The following SCN3B variants were observed in gnomAD, a reference collection of about 807,000 sequenced individuals.
The protein encoded by SCN3B is sodium voltage-gated channel beta subunit 3.
In SCN3B, 11 loss-of-function variants were observed where a neutral mutation model predicts 25.4. The observed-to-expected ratio is 0.43, with a 90% confidence interval of 0.27 to 0.72. The LOEUF (loss-of-function observed/expected upper bound fraction) is 0.72. Ranked by LOEUF, SCN3B falls within the 30% of genes least tolerant of loss-of-function variation. SCN3B has a pLI of 0.18. For missense variants in SCN3B, 218 were observed against 278.3 expected, an observed-to-expected ratio of 0.78 and a Z score of 1.54; for synonymous variants, 109 against 110.7, an observed-to-expected ratio of 0.99 and a Z score of 0.09.
intron 2 of SCN3B, among the ~76,000 whole-genome samples, chr11:123,646,369 G>T (rs1355989676): frequency 6.6e-6 from 1 of 152,226 alleles, no homozygotes; most frequent in African/African-American, 2.4e-5. Context: ...GGCTAGAAAG[G>T]TAGGCAGGGC....
chr11:123,642,339 A>C lies in SCN3B; in HGVS notation c.445+107T>G. 9.6e-7 allele frequency: 1 copy of C among 1,043,910 alleles called. No homozygotes were observed. The highest frequency in any genetic ancestry group is 1.5e-6 in the Non-Finnish European group (1 of 672,672). The allele number at this position is 1,043,910 out of a possible 1,614,324, so 64.7% of individuals were successfully genotyped here. ...TTTTAGATGTCACCATTCCAAATACATGGGTTTTTGCACTCTTTAAGGGCC... is the reference window on the plus strand; with the variant it reads ...TTTTAGATGTCACCATTCCAAATACCTGGGTTTTTGCACTCTTTAAGGGCC... On this transcript the variant is annotated intron_variant, in intron 4 of 6. Transcript: ENST00000299333. The surrounding 1 kb of genome is among the most constrained non-coding windows in gnomAD (Gnocchi z 4.3).
At chr11:123,638,632 A>T in intron 4 of SCN3B, 1 of 408,808 alleles carries the variant, frequency 2.4e-6, no homozygotes, top group Non-Finnish European at 4.6e-6. Context: ...TGTGTAAACA[A>T]CCATTTCCCT....
Position 123,645,726 on chromosome 11 carries a change from A to G in SCN3B, c.80T>C (p.Val27Ala). Residue 27 changes from valine (V) to alanine (A), a missense_variant, in exon 3 of 7, where the codon GTG becomes GCG. By Grantham distance (64) the Val-to-Ala change is moderately conservative. Transcript: ENST00000299333. ...GGCCTCCGTCTCCGAGGGCACTTCC[A>G]CACACACAGGGAAGCAGACACTGAC... ...YWVSVCFPVC[V>A]EVPSETEAVQ... 6.2e-7 allele frequency: 1 copy of G among 1,614,028 alleles called. No homozygotes were observed. The highest frequency in any genetic ancestry group is 8.5e-7 in the Non-Finnish European group (1 of 1,179,990).
chr11:123,638,228 T>C lies in SCN3B; in HGVS notation c.542A>G (p.Tyr181Cys). The C allele has an allele frequency of 6.2e-7, 1 of 1,614,142 alleles. No individual in the cohort carries two copies. The highest frequency in any genetic ancestry group is 1.3e-5 in the African/African-American group (1 of 75,030). Residue 181 changes from tyrosine (Y) to cysteine (C), a missense_variant, in exon 5 of 7, where the codon TAC (tyrosine) becomes TGC (cysteine). Coordinates refer to ENST00000299333, the MANE Select transcript of SCN3B (RefSeq NM_001040151.2). ...LWLLIEMIYC[Y>C]RKVSKAEEAA... is the part of the protein sequence containing the mutation. ...CTCTTCGGCTTTTGAGACCTTTCTG[T>C]AGCAATATATCATCTCGATGAGCAG...
chr11:123,650,270 A>G (rs1264591224), intron 2 of SCN3B, among the ~76,000 whole-genome samples: 4 of 152,216 alleles, frequency 2.6e-5, no homozygotes. Flanking sequence ...AAGAATTATG[A>G]ACCAGCTTCT....
chr11:123,651,166 A>T (rs1299691019), intron 2 of SCN3B, among the ~76,000 whole-genome samples: 9 of 151,878 alleles, frequency 5.9e-5, no homozygotes, highest in African/African-American at 2.2e-4. Flanking sequence ...AATAAAAATT[A>T]TTACATGCTT....
At position 123,653,787 on chromosome 11, in the gene SCN3B, A is replaced by G. The variant is rs36016311; in HGVS notation, c.15T>C (p.Asn5=). 7.4e-5 allele frequency: 120 copies of G among 1,614,228 alleles called. No individual in the cohort carries two copies. In the African/African-American group the frequency reaches 1.5e-3, roughly 21 times the overall value. MPAF[N]RLFPLASLVL... Reference sequence around the variant, plus strand: ...CGAGAGAAGCCAGGGGAAACAATCTATTGAAGGCAGGCATCTTCTGGGGCT... The same window carrying G: ...CGAGAGAAGCCAGGGGAAACAATCTGTTGAAGGCAGGCATCTTCTGGGGCT... The change falls in exon 2 of 7, where the codon AAT becomes AAC. Residue 5 remains asparagine (N), a synonymous_variant. Coordinates refer to ENST00000299333, the MANE Select transcript of SCN3B (RefSeq NM_001040151.2).
chr11:123,654,152 G>A (rs938670821), intron 1 of SCN3B, 74 bp downstream of exon 1: 14 of 424,538 alleles, frequency 3.3e-5, no homozygotes, highest in African/African-American at 2.4e-4. Context: ...TTGCGCCCAG[G>A]GTAAGCTCAG....
At position 123,654,247 on chromosome 11, in the gene SCN3B, T is replaced by C. The variant is rs1955966653; in HGVS notation, c.-47A>G. ...TCACCTCTCGCCTCCCCAGGATCGG[T>C]TGCGTTCCGACTGGAATCCTCCCAG... On this transcript the variant is annotated 5_prime_UTR_variant, in exon 1 of 7. Coordinates refer to ENST00000299333, the MANE Select transcript of SCN3B (RefSeq NM_001040151.2). 2 of 204,136 alleles carry C rather than the reference T, an allele frequency of 9.8e-6. No individual in the cohort carries two copies. Among genetic ancestry groups the C allele is most frequent in the African/African-American group, 4.6e-5 (2 of 43,276 alleles). The allele number at this position is 204,136 out of a possible 1,614,324, so 12.6% of individuals were successfully genotyped here.
intron 5 of SCN3B, among the ~76,000 whole-genome samples, chr11:123,636,794 C>A (rs551338802): frequency 2.0e-5 from 3 of 151,904 alleles, no homozygotes; most frequent in Non-Finnish European, 4.4e-5. Flanking sequence ...CCCAGGTTCA[C>A]GCCATTCTCC....
At chr11:123,644,489 C>T (rs1000680095) in intron 3 of SCN3B, among the ~76,000 whole-genome samples, 17 of 151,896 alleles carry the variant, frequency 1.1e-4, no homozygotes, top group Non-Finnish European at 2.1e-4. Flanking sequence ...ATATGACAGC[C>T]GACCAGGCAC....
At position 123,649,654 on chromosome 11, in the gene SCN3B, C is replaced by CTCTT. The variant is rs557367913; in HGVS notation, c.56-3908_56-3905dup. ...CTTTCTTTCTTTTTTTTCTTTCTTT[C>CTCTT]TCTTTCTTTCTTTCTTTTTTTCCTC... On this transcript the variant is annotated intron_variant, in intron 2 of 6. Transcript: ENST00000299333. Among the ~76,000 whole-genome samples the CTCTT allele has an allele frequency of 4.9e-3, 689 of 140,324 alleles. 21 individuals carry two copies. The East Asian group carries it at 0.084, about 17-fold the overall frequency. 92.1% of individuals were successfully genotyped at this position (140,324 alleles called of 152,430 possible).
At chr11:123,653,637 A>G in intron 2 of SCN3B, 110 bp downstream of exon 2, 1 of 1,291,610 alleles carries the variant, frequency 7.7e-7, no homozygotes, top group Non-Finnish European at 1.1e-6. Context: ...AGATACGCAC[A>G]GAGGCAAGCC....
chr11:123,647,704 G>A (rs934701098), intron 2 of SCN3B, among the ~76,000 whole-genome samples: 1 of 152,168 alleles, frequency 6.6e-6, no homozygotes, highest in Non-Finnish European at 1.5e-5. Context: ...TTTATTTAGA[G>A]CTTAATAAGA....
rs1202424132 is a variant in SCN3B, at chr11:123,629,671, G to C, written c.*4128C>G. 1 of 152,190 alleles carries C rather than the reference G, an allele frequency of 6.6e-6. No homozygotes were observed. The highest frequency in any genetic ancestry group is 2.4e-5 in the African/African-American group (1 of 41,440). The allele number at this position is 152,190 out of a possible 1,614,324, so 9.4% of individuals were successfully genotyped here. On this transcript the variant is annotated 3_prime_UTR_variant, in exon 7 of 7. Coordinates refer to ENST00000299333, the MANE Select transcript of SCN3B (RefSeq NM_001040151.2). ...AAGGTCTAGGCTAGAGCTTGACAGA[G>C]TGGGTGCAAAAAGATGTTAGTAGAA...
At chr11:123,637,270 A>G (rs1229090027) in intron 5 of SCN3B, among the ~76,000 whole-genome samples, 1 of 152,184 alleles carries the variant, frequency 6.6e-6, no homozygotes, top group Non-Finnish European at 1.5e-5. Flanking sequence ...AAGCGCTGCC[A>G]GGCTCTAGGG....
In SCN3B at chr11:123,629,921, T is replaced by G. The variant is rs1955648520; in HGVS notation, c.*3878A>C. 1 of 152,262 alleles carries G rather than the reference T, an allele frequency of 6.6e-6. No homozygotes were observed. Among genetic ancestry groups the G allele is most frequent in the African/African-American group, 2.4e-5 (1 of 41,466 alleles). The allele number at this position is 152,262 out of a possible 1,614,324, so 9.4% of individuals were successfully genotyped here. ...TGTGTCTAGCTCTTGCTTCTCTTTC[T>G]TCCTGCAAAGATGCAGTGACACAGC... On this transcript the variant is annotated 3_prime_UTR_variant, in exon 7 of 7. Coordinates refer to ENST00000299333, the MANE Select transcript of SCN3B (RefSeq NM_001040151.2).
chr11:123,636,416 C>T (rs963270909), intron 5 of SCN3B, among the ~76,000 whole-genome samples: 3 of 152,124 alleles, frequency 2.0e-5, no homozygotes, highest in Admixed American at 2.0e-4. Flanking sequence ...TTGGTCTTCA[C>T]CTAGGATTTC....
In SCN3B at chr11:123,630,996, A is replaced by C. The variant is rs528002650; in HGVS notation, c.*2803T>G. 1 of 152,368 alleles carries C rather than the reference A, an allele frequency of 6.6e-6. No homozygotes were observed. The highest frequency in any genetic ancestry group is 2.1e-4 in the South Asian group (1 of 4,828). 9.4% of individuals were successfully genotyped at this position (152,368 alleles called of 1,614,324 possible). ...AAGCTACTTAACCTCAGAGACCCTC[A>C]GTTTCTTCTTTTGTAATGTGACCTC... On this transcript the variant is annotated 3_prime_UTR_variant, in exon 7 of 7. Coordinates refer to ENST00000299333, the MANE Select transcript of SCN3B (RefSeq NM_001040151.2).
Sources: gnomAD v4.1 joint callset for allele counts (sites outside exome capture counted in the v4.1 genomes callset) on GRCh38, gnomAD v4.1.1 for gene constraint, Gnocchi (gnomAD v3.1) non-coding constraint, MANE v1.5 for transcripts, NCBI Gene and HGNC (gene_info 2026-07-23, HGNC 2026-07-21) for gene names.